Variants in SLC16A2 observed in about 807,000 individuals in gnomAD.
SLC16A2 encodes monocarboxylate transporter 8.
Under a neutral mutation model 27.2 loss-of-function variants are expected in SLC16A2, and 3 were observed. The ratio of observed to expected loss-of-function variants is 0.11; its 90% CI spans 0.05 to 0.28. The LOEUF is 0.28. Ranked by LOEUF, SLC16A2 falls within the 10% of genes least tolerant of loss-of-function variation. The pLI is 1.00. For synonymous variants in SLC16A2, 202 were observed against 187.8 expected (o/e 1.08, Z -0.62); for missense variants, 295 against 458.5 (o/e 0.64, Z 3.26).
chrX:74,483,799 C>CTGGG (rs1929667740), intron 1 of SLC16A2, among the ~76,000 whole-genome samples: 1 of 111,205 alleles, frequency 9.0e-6, no homozygotes. Flanking sequence ...TATGAGTGAG[C>CTGGG]TGGGGCAGAG....
intron 1 of SLC16A2, among the ~76,000 whole-genome samples, chrX:74,510,412 TA>T (rs1184217162): frequency 3.6e-5 from 4 of 112,054 alleles, no homozygotes; most frequent in African/African-American, 1.3e-4. Flanking sequence ...AAAACACCTG[TA>T]ATCTGCCTTA....
chrX:74,510,524 CAA>C (rs1930210460), intron 1 of SLC16A2, among the ~76,000 whole-genome samples: 1 of 112,253 alleles, frequency 8.9e-6, no homozygotes, highest in Admixed American at 9.4e-5. Context: ...AGGACTGGGA[CAA>C]GAGTTAAAAT....
chrX:74,521,224 T>A (rs1930400775), intron 2 of SLC16A2, 90 bp downstream of exon 2: 1 of 1,077,853 alleles, frequency 9.3e-7, no homozygotes, highest in African/African-American at 1.8e-5. Context: ...CACTGCAGAA[T>A]CCCCTGTGGC....
At chrX:74,527,709 T>C (rs1930506170) in intron 4 of SLC16A2, among the ~76,000 whole-genome samples, 1 of 112,529 alleles carries the variant, frequency 8.9e-6, no homozygotes, top group Non-Finnish European at 1.9e-5. Flanking sequence ...AGATTTTAAA[T>C]TTCTGAACCT....
chrX:74,527,561 CT>C (rs747588868), intron 4 of SLC16A2, among the ~76,000 whole-genome samples: 4 of 112,403 alleles, frequency 3.6e-5, no homozygotes, highest in Non-Finnish European at 7.5e-5. Context: ...CTTCAAGCCC[CT>C]GGACAGTCTG....
intron 1 of SLC16A2, chrX:74,477,099 A>G (rs1263645879): frequency 4.5e-5 from 5 of 111,764 alleles, no homozygotes; most frequent in Non-Finnish European, 9.4e-5. Context: ...CTGTGAATCC[A>G]TCTGGTCTTG....
intron 1 of SLC16A2, among the ~76,000 whole-genome samples, chrX:74,495,401 C>T (rs635554): frequency 0.5 from 52,861 of 105,008 alleles, 13,256 homozygotes; most frequent in Non-Finnish European, 0.72. Context: ...CTCCCTCCCA[C>T]AGGCCTTTTA....
intron 1 of SLC16A2, among the ~76,000 whole-genome samples, chrX:74,434,539 G>C (rs1928587438): frequency 9.0e-6 from 1 of 111,108 alleles, no homozygotes; most frequent in African/African-American, 3.3e-5. Flanking sequence ...AGGACACGGG[G>C]AGGGGGAATG....
At chrX:74,467,258 C>A (rs1223739505) in intron 1 of SLC16A2, among the ~76,000 whole-genome samples, 1 of 111,563 alleles carries the variant, frequency 9.0e-6, no homozygotes, top group Non-Finnish European at 1.9e-5. Context: ...GAAAGCAAGA[C>A]CCAGAAGAGT....
At chrX:74,494,928 A>G (rs1468511920) in intron 1 of SLC16A2, among the ~76,000 whole-genome samples, 4 of 111,142 alleles carry the variant, frequency 3.6e-5, no homozygotes, top group African/African-American at 1.3e-4. Flanking sequence ...AGGGGGCAGT[A>G]AAGGCCTCCA....
At chrX:74,459,322 C>T (rs1233656666) in intron 1 of SLC16A2, among the ~76,000 whole-genome samples, 1 of 66,417 alleles carries the variant, frequency 1.5e-5, no homozygotes, top group African/African-American at 5.6e-5. Flanking sequence ...AGGCCAGTGC[C>T]CCCCCAGGGG....
chrX:74,493,874 T>C (rs1254755449), intron 1 of SLC16A2, among the ~76,000 whole-genome samples: 1 of 111,373 alleles, frequency 9.0e-6, no homozygotes, highest in Non-Finnish European at 1.9e-5. Context: ...GTGAGGACCT[T>C]ACCCCCATTC....
At chrX:74,434,243 T>G (rs1487168958) in intron 1 of SLC16A2, among the ~76,000 whole-genome samples, 2 of 112,439 alleles carry the variant, frequency 1.8e-5, no homozygotes, top group African/African-American at 6.5e-5. Flanking sequence ...GTGTGTATAT[T>G]ACATTGAATG....
chrX:74,521,799 C>T (rs1337558346), intron 2 of SLC16A2, among the ~76,000 whole-genome samples: 1 of 112,323 alleles, frequency 8.9e-6, no homozygotes, highest in African/African-American at 3.2e-5. Context: ...ATATCCCTTA[C>T]TGAGATACAA....
At chrX:74,519,572 C>G (rs1372441898) in intron 1 of SLC16A2, among the ~76,000 whole-genome samples, 4 of 104,465 alleles carry the variant, frequency 3.8e-5, no homozygotes, top group African/African-American at 1.4e-4. Flanking sequence ...AAAAATTAGC[C>G]GGGCGTGGTG....
chrX:74,468,743 A>C (rs1267289083), intron 1 of SLC16A2, among the ~76,000 whole-genome samples: 1 of 112,163 alleles, frequency 8.9e-6, no homozygotes, highest in Non-Finnish European at 1.9e-5. Flanking sequence ...TGATATTTTG[A>C]CATAAGCATA....
intron 1 of SLC16A2, among the ~76,000 whole-genome samples, chrX:74,424,536 TG>T (rs1387491602): frequency 8.9e-6 from 1 of 112,093 alleles, no homozygotes; most frequent in Admixed American, 9.5e-5. Flanking sequence ...ACAGCACTGG[TG>T]TCTCAAAGGG....
chrX:74,501,325 A>T (rs1384641668), intron 1 of SLC16A2, among the ~76,000 whole-genome samples: 1 of 111,516 alleles, frequency 9.0e-6, no homozygotes, highest in Non-Finnish European at 1.9e-5. Flanking sequence ...TAGTATGCCC[A>T]GAACAGTTTG....
intron 1 of SLC16A2, among the ~76,000 whole-genome samples, chrX:74,492,634 A>C (rs1421088791): frequency 9.0e-6 from 1 of 110,677 alleles, no homozygotes; most frequent in Non-Finnish European, 1.9e-5. Context: ...TTTGCAAAGG[A>C]GCAGAATTAG....
Sources: allele counts gnomAD v4.1 joint callset (sites outside exome capture counted in the v4.1 genomes callset), GRCh38; gene constraint gnomAD v4.1.1; transcripts MANE v1.5; gene names NCBI Gene and HGNC (gene_info 2026-07-23, HGNC 2026-07-21).